ANKRD46: variants seen among roughly 807,000 people sequenced by gnomAD.
ANKRD46 encodes ankyrin repeat domain 46.
ANKRD46 carries 13 observed loss-of-function variants against 19.8 expected under a neutral mutation model. The observed-to-expected ratio is 0.66, with a 90% CI of 0.43 to 1.04. The LOEUF is 1.04. ANKRD46 is among the 50% of genes least tolerant of loss of function. ANKRD46 has a pLI of 0.00. For synonymous variants in ANKRD46, 91 were observed against 106.9 expected (o/e 0.85, Z 0.92); for missense variants, 185 against 274.8 (o/e 0.67, Z 2.31).
chr8:100,550,842 G>A lies in ANKRD46; in HGVS notation c.-131+8869C>T. On this transcript the variant is annotated intron_variant, in intron 1 of 4. Transcript: ENST00000335659. The surrounding 1 kb of genome is among the most constrained non-coding windows in gnomAD (Gnocchi z 4.4). ...GGCAATGGCAGCCCCAGCATCGAAAGTGGAAGAGTGAGTGTCACTGTTAAA... is the reference window on the plus strand; with the variant it reads ...GGCAATGGCAGCCCCAGCATCGAAAATGGAAGAGTGAGTGTCACTGTTAAA... 1 of 475,504 alleles carries A rather than the reference G, an allele frequency of 2.1e-6. No individual in the cohort carries two copies. The highest frequency in any genetic ancestry group is 4.0e-6 in the Non-Finnish European group (1 of 249,092). 29.5% of individuals were successfully genotyped at this position (475,504 alleles called of 1,614,324 possible). A position where few individuals can be genotyped will look rare whatever the true frequency, so the allele number is the denominator to read the frequency against.
At chr8:100,523,138 G>A (rs766201157) in intron 4 of ANKRD46, among the ~76,000 whole-genome samples, 5 of 147,030 alleles carry the variant, frequency 3.4e-5, no homozygotes, top group Non-Finnish European at 7.5e-5. Context: ...GACCAGCCTG[G>A]GTAACATAGC....
In ANKRD46 at chr8:100,512,997, G is replaced by A. The variant is rs564275521; in HGVS notation, c.637-2358C>T. ...TTGAGAAGAGACTGCTAGAGTTCCT[G>A]AGATGATGCCTGGAAGGTTCTATGG... On this transcript the variant is annotated intron_variant, in intron 5 of 5. Coordinates refer to the ANKRD46 transcript ENST00000520552. Among the ~76,000 whole-genome samples the A allele has an allele frequency of 1.6e-4, 25 of 152,296 alleles. No individual in the cohort carries two copies. The South Asian group carries it at 1.7e-3, about 10-fold the overall frequency.
chr8:100,529,477 T>C lies in ANKRD46; in HGVS notation c.311+46A>G. 6.5e-7 allele frequency: 1 copy of C among 1,544,528 alleles called. No homozygotes were observed. On this transcript the variant is annotated intron_variant, in intron 3 of 4. Coordinates refer to ENST00000335659, the MANE Select transcript of ANKRD46 (RefSeq NM_001270377.2). This position sits in a 1 kb window ranked among gnomAD's most constrained non-coding sequence, Gnocchi z 5.8. Reference sequence around the variant, plus strand: ...CAAGATAAGATTATCAGTTGAGAGATTAATGGGAAGAAATGACTAGACTTC... The same window carrying C: ...CAAGATAAGATTATCAGTTGAGAGACTAATGGGAAGAAATGACTAGACTTC...
chr8:100,551,425 C>T (rs767523347), intron 1 of ANKRD46: 1 of 638,160 alleles, frequency 1.6e-6, no homozygotes, highest in Non-Finnish European at 3.0e-6. Flanking sequence ...TGCCAGTGGA[C>T]TCCACGGCAT....
chr8:100,524,042 G>C lies in ANKRD46; in HGVS notation c.471-1271C>G, dbSNP rs1276908764. Among the ~76,000 whole-genome samples, 2 of 152,166 alleles carry C rather than the reference G, an allele frequency of 1.3e-5. No individual in the cohort carries two copies. The highest frequency in any genetic ancestry group is 2.9e-5 in the Non-Finnish European group (2 of 68,030). The stretch of plus-strand genomic sequence containing the variant: ...TCATTTCTCTTCTGCATAAAGGCTA[G>C]TCTAGTTGAAAATAAGGTAGTGCAA... On this transcript the variant is annotated intron_variant, in intron 4 of 4. Transcript: ENST00000335659. The surrounding 1 kb of genome is among the most constrained non-coding windows in gnomAD (Gnocchi z 4.3).
rs145450018 is a variant in ANKRD46 at position 100,536,289 on chromosome 8, G to A, written c.-130-2978C>T. 1.3e-5 allele frequency among the ~76,000 whole-genome samples: 2 copies of A among 152,210 alleles called. No homozygotes were observed. The highest frequency in any genetic ancestry group is 2.9e-5 in the Non-Finnish European group (2 of 68,008). ...GGAGAGGTGGGAAAAGTAGCGGGGA[G>A]AGATATGTGATAGTCTGACTCTCCT... is the stretch of plus-strand genomic sequence containing the variant. On this transcript the variant is annotated intron_variant, in intron 1 of 4. Transcript: ENST00000335659. The surrounding 1 kb of genome is among the most constrained non-coding windows in gnomAD (Gnocchi z 4.9).
chr8:100,556,036 T>C (rs1405961015), intron 1 of ANKRD46, among the ~76,000 whole-genome samples: 1 of 152,148 alleles, frequency 6.6e-6, no homozygotes, highest in Non-Finnish European at 1.5e-5. Flanking sequence ...AAGATAAAAA[T>C]TGCATTCTTT....
rs964758141 is a variant in ANKRD46, at chr8:100,527,411, C to CT, written c.470+433dup. 2.6e-5 allele frequency among the ~76,000 whole-genome samples: 4 copies of CT among 151,986 alleles called. No individual in the cohort carries two copies. The highest frequency in any genetic ancestry group is 6.6e-5 in the Admixed American group (1 of 15,260). On this transcript the variant is annotated intron_variant, in intron 4 of 4. Transcript: ENST00000335659. The surrounding 1 kb of genome is among the most constrained non-coding windows in gnomAD (Gnocchi z 4.0). ...AGTTCTTGGCTTTACTTATACTTCT[C>CT]TTTTTTTTGAAATTCCATTCTTTTT... is the stretch of plus-strand genomic sequence containing the variant.
chr8:100,547,634 T>G (rs574531370), intron 1 of ANKRD46, among the ~76,000 whole-genome samples: 1 of 152,200 alleles, frequency 6.6e-6, no homozygotes, highest in East Asian at 1.9e-4. Context: ...AAAAATAGAA[T>G]AAAATAAAAC....
chr8:100,521,122 G>A lies in ANKRD46; in HGVS notation c.*1433C>T. 1 of 984,890 alleles carries A rather than the reference G, an allele frequency of 1.0e-6. No individual in the cohort carries two copies. Among genetic ancestry groups the A allele is most frequent in the Non-Finnish European group, 1.2e-6 (1 of 829,872 alleles). The allele number at this position is 984,890 out of a possible 1,614,324, so 61.0% of individuals were successfully genotyped here. ...CCAGTTACTCAGGAATTTTACAACAGCTATTAAAGAGAGGATAAAGCCACA... is the reference window on the plus strand; with the variant it reads ...CCAGTTACTCAGGAATTTTACAACAACTATTAAAGAGAGGATAAAGCCACA... On this transcript the variant is annotated 3_prime_UTR_variant, in exon 5 of 5. Coordinates refer to ENST00000335659, the MANE Select transcript of ANKRD46 (RefSeq NM_001270377.2).
At chr8:100,516,903 T>C (rs1385154117), downstream of ANKRD46, among the ~76,000 whole-genome samples, 9 of 152,082 alleles carry the variant, frequency 5.9e-5, no homozygotes, top group Admixed American at 1.3e-4. Flanking sequence ...TTCAAGACAA[T>C]TGCATCACAA....
At chr8:100,556,866 T>C (rs1812510411) in intron 1 of ANKRD46, 1 of 152,202 alleles carries the variant, frequency 6.6e-6, no homozygotes, top group Non-Finnish European at 1.5e-5. Context: ...CTCTCCTTTG[T>C]AATTATTCAT....
At chr8:100,552,166 A>AG (rs1812406720) in intron 1 of ANKRD46, among the ~76,000 whole-genome samples, 3 of 151,746 alleles carry the variant, frequency 2.0e-5, no homozygotes, top group African/African-American at 4.8e-5. Context: ...AAAAAAAAAA[A>AG]AAAAGAAATG....
At chr8:100,551,790 C>G (rs1812396423) in intron 1 of ANKRD46, 3 of 433,942 alleles carry the variant, frequency 6.9e-6, no homozygotes, top group Non-Finnish European at 1.3e-5. Context: ...ACCCACCTCT[C>G]TTTTTGTTGA....
downstream of ANKRD46, among the ~76,000 whole-genome samples, chr8:100,518,924 T>C (rs1252578781): frequency 6.6e-6 from 1 of 152,106 alleles, no homozygotes; most frequent in African/African-American, 2.4e-5. Flanking sequence ...TGTGAAATGG[T>C]TGGGTTTTAG....
intron 4 of ANKRD46, among the ~76,000 whole-genome samples, chr8:100,526,489 T>C (rs1209879585): frequency 6.6e-6 from 1 of 152,254 alleles, no homozygotes; most frequent in East Asian, 1.9e-4. Flanking sequence ...AAAGTGCTTA[T>C]GCCATTCTGT....
intron 4 of ANKRD46, 127 bp from the exon 5 acceptor site, chr8:100,522,898 CACACACATATATAT>C (rs1315791761): frequency 2.1e-5 from 11 of 519,182 alleles, no homozygotes; most frequent in Admixed American, 3.6e-5. Context: ...CACACACACA[CACACACATATATAT>C]ATATACACAC....
In ANKRD46 at chr8:100,527,863, T is replaced by C; in HGVS notation, c.452A>G (p.Gln151Arg). 6.2e-7 allele frequency: 1 copy of C among 1,613,538 alleles called. No homozygotes were observed. Among genetic ancestry groups the C allele is most frequent in the Non-Finnish European group, 8.5e-7 (1 of 1,179,836 alleles). ...CCAGTACCTTTCACTCTCAGCTGTT[T>C]GCATGGTCTCCAGTTTCGAGTGGGT... ...RGTHSKLETM[Q>R]TAESESAMES... Residue 151 changes from glutamine (Q) to arginine (R), a missense_variant, in exon 4 of 5, where the codon CAA becomes CGA. Coordinates refer to ENST00000335659, the MANE Select transcript of ANKRD46 (RefSeq NM_001270377.2). The surrounding 1 kb of genome is among the most constrained non-coding windows in gnomAD (Gnocchi z 4.0).
intron 5 of ANKRD46, among the ~76,000 whole-genome samples, chr8:100,512,920 C>A (rs1276375484): frequency 6.6e-6 from 1 of 152,128 alleles, no homozygotes; most frequent in African/African-American, 2.4e-5. Flanking sequence ...GAAGCCCAGG[C>A]ATTTTCCTTC....
Sources: gnomAD v4.1 joint callset for allele counts (sites outside exome capture counted in the v4.1 genomes callset) on GRCh38, gnomAD v4.1.1 for gene constraint, Gnocchi (gnomAD v3.1) non-coding constraint, MANE v1.5 for transcripts, NCBI Gene and HGNC (gene_info 2026-07-23, HGNC 2026-07-21) for gene names.